Variants in KIF16B observed in about 807,000 individuals in gnomAD.
KIF16B encodes kinesin family member 16B, also known as kinesin-like protein KIF16B.
A neutral mutation model predicts 156.3 loss-of-function variants in KIF16B; 98 were observed. That is an observed-to-expected ratio of 0.63 (90% CI 0.53 to 0.74). The LOEUF (loss-of-function observed/expected upper bound fraction) is 0.74. Ranked by LOEUF, KIF16B falls within the 30% of genes least tolerant of loss-of-function variation. The probability of loss-of-function intolerance (pLI) is 0.00; values close to 1 mark genes in which losing one functional copy is unlikely to be tolerated. For missense variants in KIF16B, 1,421 were observed against 1,606.5 expected (o/e 0.88, Z 1.97); for synonymous variants, 564 against 583.7 (o/e 0.97, Z 0.49).
intron 22 of KIF16B, among the ~76,000 whole-genome samples, chr20:16,365,562 G>A (rs2123236068): frequency 6.6e-6 from 1 of 152,282 alleles, no homozygotes; most frequent in East Asian, 1.9e-4. Flanking sequence ...CCAATTCCCT[G>A]TCTTTTCCTG....
chr20:16,327,092 C>CACAA (rs1339167581), intron 24 of KIF16B, among the ~76,000 whole-genome samples: 3 of 151,066 alleles, frequency 2.0e-5, no homozygotes, highest in African/African-American at 7.3e-5. Context: ...CACACACACA[C>CACAA]ACACACACAC....
At chr20:16,523,530 A>T (rs1051739978) in intron 3 of KIF16B, among the ~76,000 whole-genome samples, 5 of 152,164 alleles carry the variant, frequency 3.3e-5, no homozygotes, top group Non-Finnish European at 7.3e-5. Flanking sequence ...CAAAGAAATA[A>T]GAGAGGACAC....
intron 1 of KIF16B, among the ~76,000 whole-genome samples, chr20:16,538,421 A>G (rs1424472133): frequency 1.3e-5 from 2 of 152,378 alleles, no homozygotes; most frequent in Admixed American, 1.3e-4. Context: ...TAATAGGGAA[A>G]AATGAACTAT....
intron 23 of KIF16B, among the ~76,000 whole-genome samples, chr20:16,350,735 C>A (rs918868673): frequency 7.1e-6 from 1 of 140,068 alleles, no homozygotes; most frequent in East Asian, 2.4e-4. Context: ...TGGGTGGGGG[C>A]GGGGGGGAAG....
intron 24 of KIF16B, among the ~76,000 whole-genome samples, chr20:16,322,995 T>C (rs1364988397): frequency 1.3e-5 from 2 of 152,046 alleles, no homozygotes; most frequent in Non-Finnish European, 2.9e-5. Flanking sequence ...TAAAAAGCCT[T>C]GCCTATCTTT....
At chr20:16,536,404 A>C (rs1394311687) in intron 1 of KIF16B, among the ~76,000 whole-genome samples, 1 of 152,150 alleles carries the variant, frequency 6.6e-6, no homozygotes, top group East Asian at 1.9e-4. Context: ...GTTAGATAGA[A>C]ATAAGTTCTA....
At chr20:16,492,539 T>G (rs552360586) in intron 12 of KIF16B, among the ~76,000 whole-genome samples, 1 of 152,282 alleles carries the variant, frequency 6.6e-6, no homozygotes, top group Non-Finnish European at 1.5e-5. Flanking sequence ...TAGTTAGACT[T>G]ATTTTTTAAA....
At chr20:16,381,592 AAGGGGGAAGTATTGAAGCAGACACAGAT>A in intron 18 of KIF16B, 74 bp downstream of exon 18, 1 of 800,562 alleles carries the variant, frequency 1.2e-6, no homozygotes, top group Non-Finnish European at 2.0e-6. Context: ...GACACAGAGC[AAGGGGGAAGTATTGAAGCAGACACAGAT>A]GGAATCAGTC....
At chr20:16,349,084 C>T (rs550004240) in intron 23 of KIF16B, among the ~76,000 whole-genome samples, 2 of 152,314 alleles carry the variant, frequency 1.3e-5, no homozygotes, top group South Asian at 4.1e-4. Flanking sequence ...CCTGTGCCTG[C>T]TTCCTTTCAT....
chr20:16,432,568 G>A (rs1490305766), intron 12 of KIF16B, among the ~76,000 whole-genome samples: 1 of 152,152 alleles, frequency 6.6e-6, no homozygotes, highest in Non-Finnish European at 1.5e-5. Context: ...TCAAGCTAGT[G>A]TAAGACCATT....
chr20:16,338,516 C>T (rs2064082358), intron 23 of KIF16B, among the ~76,000 whole-genome samples: 1 of 152,182 alleles, frequency 6.6e-6, no homozygotes, highest in Non-Finnish European at 1.5e-5. Context: ...CCCTCCAACA[C>T]CCTGACCTCT....
chr20:16,379,556 C>T lies in KIF16B; in HGVS notation c.2446G>A (p.Glu816Lys), dbSNP rs139840756. The T allele has an allele frequency of 2.1e-4, 343 of 1,614,160 alleles. No individual in the cohort carries two copies. Among genetic ancestry groups the T allele is most frequent in the Non-Finnish European group, 2.7e-4 (313 of 1,180,040 alleles). The change falls in exon 19 of 26, where the codon GAG becomes AAG. Residue 816 changes from glutamate (E) to lysine (K), a missense_variant. Physicochemically the swap from Glu to Lys is moderately conservative, Grantham distance 56. Coordinates refer to ENST00000354981, the MANE Select transcript of KIF16B (RefSeq NM_024704.5). ...CGCAGTTGAGCCTTTTCTAACTCCT[C>T]GCCATCTTCATCCCCTCCGGCACGA... Reference protein sequence around the residue: ...EARAGGDEDGEELEKAQLRFF... With the variant: ...EARAGGDEDGKELEKAQLRFF...
At position 16,342,829 on chromosome 20, in the gene KIF16B, A is replaced by G. The variant is rs1250046471; in HGVS notation, c.3622-6814T>C. 2.6e-5 allele frequency among the ~76,000 whole-genome samples: 4 copies of G among 152,230 alleles called. No homozygotes were observed. In the East Asian group the frequency reaches 7.7e-4, roughly 29 times the overall value. On this transcript the variant is annotated intron_variant, in intron 23 of 25. Transcript: ENST00000354981. ...CCAGCAATCACATCAGAAATGGTAG[A>G]CAAGGCAACTGCATGTATGATCACG...
At chr20:16,438,204 T>C (rs1346121318) in intron 12 of KIF16B, among the ~76,000 whole-genome samples, 1 of 152,026 alleles carries the variant, frequency 6.6e-6, no homozygotes, top group African/African-American at 2.4e-5. Flanking sequence ...ACCCTGAAAG[T>C]AAGCAACAAG....
intron 22 of KIF16B, among the ~76,000 whole-genome samples, chr20:16,363,401 G>A (rs1024570639): frequency 6.6e-6 from 1 of 152,190 alleles, no homozygotes; most frequent in African/African-American, 2.4e-5. Flanking sequence ...CCATTAGGGA[G>A]AAGTCCTACA....
At chr20:16,554,252 T>C (rs962520672) in intron 1 of KIF16B, among the ~76,000 whole-genome samples, 1 of 152,126 alleles carries the variant, frequency 6.6e-6, no homozygotes, top group African/African-American at 2.4e-5. Context: ...AATCTGCACA[T>C]ATTTCCTCCC....
At chr20:16,409,450 A>C (rs2065866493) in intron 15 of KIF16B, among the ~76,000 whole-genome samples, 1 of 152,064 alleles carries the variant, frequency 6.6e-6, no homozygotes, top group African/African-American at 2.4e-5. Context: ...TAAGAGGAAG[A>C]CACTGAAGGG....
Position 16,367,479 on chromosome 20 carries a change from AAC to A in KIF16B, c.3498+3105_3498+3106del, listed in dbSNP as rs761390443. The A allele has an allele frequency of 1.4e-5, 23 of 1,612,938 alleles. No homozygotes were observed. In the East Asian group the frequency reaches 3.3e-4, roughly 23 times the overall value. On this transcript the variant is annotated intron_variant, in intron 22 of 25. Coordinates refer to ENST00000354981, the MANE Select transcript of KIF16B (RefSeq NM_024704.5). ...TTCGAGATCGAATGCGTGGATAAAA[AAC>A]ACAGTCTTCCTTCACCAGTGCAATG...
intron 12 of KIF16B, among the ~76,000 whole-genome samples, chr20:16,488,778 C>G (rs986332811): frequency 1.2e-4 from 18 of 152,268 alleles, no homozygotes; most frequent in Non-Finnish European, 7.4e-5. Context: ...CCAAGAGAAT[C>G]ACTGCAGTTT....
Sources: allele counts gnomAD v4.1 joint callset (sites outside exome capture counted in the v4.1 genomes callset), GRCh38; gene constraint gnomAD v4.1.1; transcripts MANE v1.5; gene names NCBI Gene and HGNC (gene_info 2026-07-23, HGNC 2026-07-21).